SLC25A21: variants seen among roughly 807,000 people sequenced by gnomAD.
The protein encoded by SLC25A21 is mitochondrial 2-oxodicarboxylate carrier.
SLC25A21 carries 47 observed loss-of-function variants against 43.8 expected under a neutral mutation model. The ratio of observed to expected loss-of-function variants is 1.07; its 90% CI spans 0.85 to 1.37. SLC25A21 has a LOEUF of 1.37. SLC25A21 is among the 40% of genes most tolerant of loss of function. The pLI is 0.00. For synonymous variants in SLC25A21, 131 were observed against 121.3 expected (o/e 1.08, Z -0.52); for missense variants, 352 against 350.2 (o/e 1.00, Z -0.04).
intron 6 of SLC25A21, among the ~76,000 whole-genome samples, chr14:36,721,278 T>C (rs1884364967): frequency 6.6e-6 from 1 of 152,236 alleles, no homozygotes; most frequent in Admixed American, 6.5e-5. Context: ...ATAGTCTCAC[T>C]TAACCCTCAT....
intron 1 of SLC25A21, among the ~76,000 whole-genome samples, chr14:36,940,049 TGTAA>T (rs1892518411): frequency 6.6e-6 from 1 of 152,162 alleles, no homozygotes; most frequent in African/African-American, 2.4e-5. Flanking sequence ...TCCTTTCTCA[TGTAA>T]GTATTATAGA....
At chr14:37,025,060 T>A (rs924095332) in intron 1 of SLC25A21, among the ~76,000 whole-genome samples, 3 of 151,358 alleles carry the variant, frequency 2.0e-5, no homozygotes, top group Non-Finnish European at 4.4e-5. Flanking sequence ...AGTATCTTTT[T>A]AAAAAAAAAT....
intron 1 of SLC25A21, among the ~76,000 whole-genome samples, chr14:36,964,357 T>C (rs564669708): frequency 6.6e-6 from 1 of 152,330 alleles, no homozygotes; most frequent in Admixed American, 6.5e-5. Context: ...GTTAACAAAT[T>C]CTTAATTTAA....
At chr14:36,820,644 G>C (rs1888591830) in intron 2 of SLC25A21, among the ~76,000 whole-genome samples, 1 of 152,146 alleles carries the variant, frequency 6.6e-6, no homozygotes, top group Non-Finnish European at 1.5e-5. Flanking sequence ...TGATTTGAGG[G>C]AAAGCAGCAC....
At chr14:37,040,373 G>GAGAA (rs767966979) in intron 1 of SLC25A21, among the ~76,000 whole-genome samples, 2,330 of 20,866 alleles carry the variant, frequency 0.11, 410 homozygotes, top group East Asian at 0.13. Flanking sequence ...GAGAGAGAGA[G>GAGAA]AGAAAGAAAG....
In SLC25A21 at chr14:37,094,714, C is replaced by T. The variant is rs1884221; in HGVS notation, c.70+77567G>A. Among the ~76,000 whole-genome samples, 2,756 of 145,458 alleles carry T rather than the reference C, an allele frequency of 0.019. 200 individuals carry two copies. The East Asian group carries it at 0.27, about 14-fold the overall frequency. On this transcript the variant is annotated intron_variant, in intron 1 of 9. Transcript: ENST00000331299. ...ACTAGTCCATTTTACAGGGTGCTCA[C>T]TGAAGCATGGTTGGTGATAGCCAAA... is the stretch of plus-strand genomic sequence containing the variant.
intron 3 of SLC25A21, among the ~76,000 whole-genome samples, chr14:36,779,643 T>G (rs998146667): frequency 7.9e-6 from 1 of 127,152 alleles, no homozygotes; most frequent in African/African-American, 3.0e-5. Flanking sequence ...TATATATATA[T>G]GTATACATAC....
At chr14:37,102,595 A>G (rs1021716139) in intron 1 of SLC25A21, among the ~76,000 whole-genome samples, 13 of 152,166 alleles carry the variant, frequency 8.5e-5, no homozygotes, top group Non-Finnish European at 1.8e-4. Flanking sequence ...TACCCAAAAC[A>G]TAGAAAAAGG....
At chr14:37,089,185 A>G (rs10132328) in intron 1 of SLC25A21, among the ~76,000 whole-genome samples, 116,739 of 152,126 alleles carry the variant, frequency 0.77, 49,092 homozygotes, top group South Asian at 0.94. Flanking sequence ...ATGGCCTCCA[A>G]TGAGGATTAA....
chr14:36,717,151 A>G (rs1041337663), intron 6 of SLC25A21, among the ~76,000 whole-genome samples: 1 of 152,250 alleles, frequency 6.6e-6, no homozygotes, highest in African/African-American at 2.4e-5. Flanking sequence ...CATACTTTTC[A>G]TTACTCAAAT....
intron 1 of SLC25A21, among the ~76,000 whole-genome samples, chr14:37,127,328 C>A (rs1307030150): frequency 1.3e-5 from 2 of 152,156 alleles, no homozygotes; most frequent in African/African-American, 4.8e-5. Context: ...CTCCAAACAC[C>A]ACAAATTTCC....
chr14:36,914,028 T>C (rs1387820935), intron 1 of SLC25A21, among the ~76,000 whole-genome samples: 2 of 152,198 alleles, frequency 1.3e-5, no homozygotes, highest in Admixed American at 1.3e-4. Flanking sequence ...AGAATTTCCC[T>C]TAACAAGTAA....
chr14:36,779,637 TATATATG>T, intron 3 of SLC25A21, among the ~76,000 whole-genome samples: 1 of 137,730 alleles, frequency 7.3e-6, no homozygotes. Flanking sequence ...TATATATATA[TATATATG>T]TATACATACA....
At chr14:37,050,331 T>C (rs1033403386) in intron 1 of SLC25A21, among the ~76,000 whole-genome samples, 1 of 152,228 alleles carries the variant, frequency 6.6e-6, no homozygotes, top group Non-Finnish European at 1.5e-5. Flanking sequence ...AAAATAAACA[T>C]TGATTCTCAT....
intron 1 of SLC25A21, among the ~76,000 whole-genome samples, chr14:37,000,831 G>A (rs180685545): frequency 8.5e-4 from 129 of 152,180 alleles, no homozygotes; most frequent in Non-Finnish European, 1.8e-3. Flanking sequence ...CCCATGTGAA[G>A]AAGGTGCTTG....
At chr14:36,816,844 C>T (rs990649705) in intron 2 of SLC25A21, among the ~76,000 whole-genome samples, 4 of 152,030 alleles carry the variant, frequency 2.6e-5, no homozygotes, top group East Asian at 1.9e-4. Flanking sequence ...TTCCAAAATA[C>T]GACTTTGGTT....
intron 1 of SLC25A21, among the ~76,000 whole-genome samples, chr14:37,018,802 C>T (rs896672984): frequency 4.0e-5 from 6 of 151,860 alleles, no homozygotes; most frequent in Non-Finnish European, 7.4e-5. Flanking sequence ...TTACACCACC[C>T]GCATAATTTC....
intron 3 of SLC25A21, among the ~76,000 whole-genome samples, chr14:36,811,346 T>A (rs1462575026): frequency 6.6e-6 from 1 of 152,100 alleles, no homozygotes; most frequent in Non-Finnish European, 1.5e-5. Context: ...AGAAGTTTAA[T>A]ATGTGAAAAA....
At chr14:36,748,696 G>A (rs1410335241) in intron 3 of SLC25A21, among the ~76,000 whole-genome samples, 1 of 152,122 alleles carries the variant, frequency 6.6e-6, no homozygotes, top group African/African-American at 2.4e-5. Context: ...GACTTTGTCT[G>A]TTTCCCTGGT....
Sources: gnomAD v4.1 joint callset for allele counts (sites outside exome capture counted in the v4.1 genomes callset) on GRCh38, gnomAD v4.1.1 for gene constraint, MANE v1.5 for transcripts, NCBI Gene and HGNC (gene_info 2026-07-23, HGNC 2026-07-21) for gene names.